GPC5: variants seen among roughly 807,000 people sequenced by gnomAD.
GPC5 encodes glypican 5, also known as glypican-5.
A neutral mutation model predicts 53.9 loss-of-function variants in GPC5; 47 were observed. The observed-to-expected ratio is 0.87, with a 90% CI of 0.69 to 1.11. The LOEUF is 1.11. Ranked by LOEUF, GPC5 falls within the 50% of genes most tolerant of loss-of-function variation. The pLI is 0.00. For synonymous variants in GPC5, 286 were observed against 263.3 expected (o/e 1.09, Z -0.84); for missense variants, 748 against 713.1 (o/e 1.05, Z -0.56).
chr13:91,939,618 C>T (rs2352199), intron 6 of GPC5, among the ~76,000 whole-genome samples: 92,586 of 151,966 alleles, frequency 0.61, 28,721 homozygotes, highest in East Asian at 0.74. Flanking sequence ...AGTTAAGTGA[C>T]CTCATCAGAT....
rs1024247783 is a variant in GPC5 at position 91,640,562 on chromosome 13, T to C, written c.326-52625T>C. Among the ~76,000 whole-genome samples the C allele has an allele frequency of 4.6e-5, 7 of 152,170 alleles. 1 individual carries two copies. The highest frequency in any genetic ancestry group is 4.6e-4 in the Admixed American group (7 of 15,280). On this transcript the variant is annotated intron_variant, in intron 2 of 7. Transcript: ENST00000377067. ...ACATTTGTTCAACCATTGTGGAAGA[T>C]GGTGTGGTGATTCCTCAAAGATCTG... is the stretch of plus-strand genomic sequence containing the variant.
chr13:91,621,847 G>A (rs1407785744), intron 2 of GPC5, among the ~76,000 whole-genome samples: 1 of 148,484 alleles, frequency 6.7e-6, no homozygotes, highest in African/African-American at 2.5e-5. Flanking sequence ...GAGGTGATAT[G>A]CCAACTGCAA....
intron 7 of GPC5, among the ~76,000 whole-genome samples, chr13:92,531,678 C>T (rs1881568232): frequency 6.6e-6 from 1 of 152,200 alleles, no homozygotes. Flanking sequence ...AACTCTTCTG[C>T]TCCTATTCCA....
chr13:92,625,673 C>T (rs1885024071), intron 7 of GPC5, among the ~76,000 whole-genome samples: 1 of 152,274 alleles, frequency 6.6e-6, no homozygotes, highest in African/African-American at 2.4e-5. Context: ...TTCAGCTGCT[C>T]CCAGCTTTAA....
chr13:91,798,735 A>C (rs1346356441), intron 5 of GPC5, among the ~76,000 whole-genome samples: 2 of 152,122 alleles, frequency 1.3e-5, no homozygotes, highest in Non-Finnish European at 2.9e-5. Context: ...ATACCATTTG[A>C]CCCAAATTGC....
chr13:92,422,320 T>C (rs1876602308), intron 7 of GPC5, among the ~76,000 whole-genome samples: 1 of 152,146 alleles, frequency 6.6e-6, no homozygotes, highest in Admixed American at 6.5e-5. Context: ...CAATACACTT[T>C]AGGCAGATGT....
intron 6 of GPC5, among the ~76,000 whole-genome samples, chr13:92,138,119 A>G (rs2041799429): frequency 6.6e-6 from 1 of 152,220 alleles, no homozygotes; most frequent in African/African-American, 2.4e-5. Context: ...ATCATCTTGT[A>G]TGAATATATG....
intron 7 of GPC5, among the ~76,000 whole-genome samples, chr13:92,305,269 A>G (rs2043103257): frequency 6.6e-6 from 1 of 152,204 alleles, no homozygotes; most frequent in Admixed American, 6.5e-5. Context: ...GAGAATCGTT[A>G]AAGTTAACCC....
At chr13:92,797,880 T>C (rs1435328495) in intron 7 of GPC5, among the ~76,000 whole-genome samples, 1 of 151,518 alleles carries the variant, frequency 6.6e-6, no homozygotes, top group Non-Finnish European at 1.5e-5. Context: ...TGATAGATGA[T>C]AGATAGTAGA....
chr13:92,320,838 C>A (rs759913926), intron 7 of GPC5, among the ~76,000 whole-genome samples: 1 of 152,026 alleles, frequency 6.6e-6, no homozygotes, highest in African/African-American at 2.4e-5. Flanking sequence ...TTATGAAAAA[C>A]GACTGTTTTG....
intron 7 of GPC5, among the ~76,000 whole-genome samples, chr13:92,589,656 T>G (rs117995490): frequency 0.016 from 2,489 of 152,306 alleles, 26 homozygotes; most frequent in Non-Finnish European, 0.025. Context: ...TTTGCCAAAT[T>G]CCATAAACAG....
intron 6 of GPC5, among the ~76,000 whole-genome samples, chr13:92,081,101 A>T (rs2041291424): frequency 1.3e-5 from 2 of 151,938 alleles, no homozygotes; most frequent in Non-Finnish European, 2.9e-5. Context: ...ATGTCTTTCA[A>T]CTTTTTATTT....
Position 92,711,864 on chromosome 13 carries a change from A to C in GPC5, c.1562-154418A>C, listed in dbSNP as rs1888149979. ...CAAGTTTCAAGAGAAAAAAATAGTA[A>C]TTACATTGAACTTAATGAAGATACA... is the stretch of plus-strand genomic sequence containing the variant. On this transcript the variant is annotated intron_variant, in intron 7 of 7. Transcript: ENST00000377067. 1.3e-5 allele frequency among the ~76,000 whole-genome samples: 2 copies of C among 152,008 alleles called. 1 individual carries two copies. The highest frequency in any genetic ancestry group is 4.1e-4 in the South Asian group (2 of 4,828).
chr13:91,975,329 A>G (rs377180430), intron 6 of GPC5, among the ~76,000 whole-genome samples: 1 of 152,198 alleles, frequency 6.6e-6, no homozygotes, highest in Non-Finnish European at 1.5e-5. Flanking sequence ...CAGAGTGAAC[A>G]CGCAACCTAC....
At chr13:91,456,250 C>T (rs899181584) in intron 2 of GPC5, among the ~76,000 whole-genome samples, 2 of 151,998 alleles carry the variant, frequency 1.3e-5, no homozygotes, top group African/African-American at 2.4e-5. Flanking sequence ...ACCAAACATA[C>T]AAAGTATGGT....
intron 5 of GPC5, among the ~76,000 whole-genome samples, chr13:91,846,049 A>G (rs2138881008): frequency 6.6e-6 from 1 of 152,278 alleles, no homozygotes; most frequent in South Asian, 2.1e-4. Flanking sequence ...AGAAAGGCAT[A>G]TAGTGAAATC....
intron 3 of GPC5, among the ~76,000 whole-genome samples, chr13:91,721,517 T>C (rs775130591): frequency 4.6e-5 from 7 of 152,120 alleles, no homozygotes; most frequent in Non-Finnish European, 1.0e-4. Context: ...ATAAAAGAGA[T>C]CATGTTACTG....
chr13:91,548,295 A>T (rs2030417250), intron 2 of GPC5, among the ~76,000 whole-genome samples: 1 of 152,172 alleles, frequency 6.6e-6, no homozygotes, highest in Admixed American at 6.6e-5. Context: ...AACATACAAA[A>T]CTTAATTGCT....
intron 7 of GPC5, among the ~76,000 whole-genome samples, chr13:92,281,579 T>A (rs974175751): frequency 2.0e-5 from 3 of 152,176 alleles, no homozygotes; most frequent in African/African-American, 7.2e-5. Context: ...CAGCAGCATT[T>A]GCTCTTCAGC....
Sources: gnomAD v4.1 joint callset for allele counts (sites outside exome capture counted in the v4.1 genomes callset) on GRCh38, gnomAD v4.1.1 for gene constraint, MANE v1.5 for transcripts, NCBI Gene and HGNC (gene_info 2026-07-23, HGNC 2026-07-21) for gene names.